The following CNTN5 variants were observed in gnomAD, a reference collection of about 807,000 sequenced individuals.
CNTN5 encodes contactin-5.
Under a neutral mutation model 129.1 loss-of-function variants are expected in CNTN5, and 77 were observed. The ratio of observed to expected loss-of-function variants is 0.60; its 90% CI spans 0.50 to 0.72. The LOEUF (loss-of-function observed/expected upper bound fraction) is 0.72. CNTN5 is among the 30% of genes least tolerant of loss of function. The pLI, the probability that CNTN5 is intolerant of heterozygous loss-of-function variation, is 0.00. For synonymous variants in CNTN5, 509 were observed against 465.6 expected (o/e 1.09, Z -1.20); for missense variants, 1,478 against 1,328.8 (o/e 1.11, Z -1.75).
intron 3 of CNTN5, among the ~76,000 whole-genome samples, chr11:99,582,070 C>A (rs919457268): frequency 6.6e-6 from 1 of 152,038 alleles, no homozygotes; most frequent in Non-Finnish European, 1.5e-5. Context: ...TATTTTATTT[C>A]TCCTTCACTT....
intron 3 of CNTN5, among the ~76,000 whole-genome samples, chr11:99,567,240 C>T (rs919087610): frequency 1.3e-5 from 2 of 152,264 alleles, no homozygotes; most frequent in East Asian, 3.9e-4. Context: ...GAGAGGAAAT[C>T]TAATTCCTGG....
intron 13 of CNTN5, among the ~76,000 whole-genome samples, chr11:100,186,412 G>C (rs1948302832): frequency 6.6e-6 from 1 of 151,670 alleles, no homozygotes; most frequent in African/African-American, 2.4e-5. Context: ...ACAAATATAG[G>C]GTCCAGAAAA....
chr11:99,430,483 A>G lies in CNTN5; in HGVS notation c.-71+104999A>G, dbSNP rs537180693. On this transcript the variant is annotated intron_variant, in intron 2 of 24. Coordinates refer to ENST00000524871, the MANE Select transcript of CNTN5 (RefSeq NM_014361.4). ...TTATATATATATAAGAGATTTATAT[A>G]TATTTATATATTTATAGCTCTCTTT... 1.1e-3 allele frequency among the ~76,000 whole-genome samples: 170 copies of G among 149,358 alleles called. 3 individuals are homozygous for G. The highest frequency in any genetic ancestry group is 1.3e-3 in the Non-Finnish European group (89 of 67,386).
chr11:99,606,398 A>G (rs950468167), intron 3 of CNTN5, among the ~76,000 whole-genome samples: 3 of 138,752 alleles, frequency 2.2e-5, no homozygotes, highest in African/African-American at 8.1e-5. Flanking sequence ...AAGGGATGTG[A>G]AGGACCTCTT....
At chr11:100,000,432 G>T (rs1487266420) in intron 8 of CNTN5, among the ~76,000 whole-genome samples, 3 of 152,184 alleles carry the variant, frequency 2.0e-5, no homozygotes, top group Admixed American at 1.3e-4. Context: ...CACATGTAGG[G>T]CATGATGATA....
At chr11:100,286,197 C>T (rs1239991802) in intron 18 of CNTN5, among the ~76,000 whole-genome samples, 1 of 152,196 alleles carries the variant, frequency 6.6e-6, no homozygotes, top group Non-Finnish European at 1.5e-5. Context: ...CCGCCATTGC[C>T]CAGGCTTGCT....
intron 13 of CNTN5, among the ~76,000 whole-genome samples, chr11:100,175,336 A>C (rs1947933363): frequency 6.6e-6 from 1 of 152,106 alleles, no homozygotes; most frequent in African/African-American, 2.4e-5. Flanking sequence ...GTAAGTGTTA[A>C]GATAAGGTAT....
intron 6 of CNTN5, among the ~76,000 whole-genome samples, chr11:99,851,162 A>G (rs921964960): frequency 1.3e-5 from 2 of 152,104 alleles, no homozygotes; most frequent in Non-Finnish European, 2.9e-5. Context: ...AAATATTTAT[A>G]TATAAACATG....
At chr11:100,056,337 G>A (rs1042471009) in intron 9 of CNTN5, among the ~76,000 whole-genome samples, 18 of 151,186 alleles carry the variant, frequency 1.2e-4, no homozygotes, top group East Asian at 5.8e-4. Flanking sequence ...ATCAAAATAC[G>A]CAGATTACCA....
At chr11:99,556,311 C>T (rs1393512472) in intron 3 of CNTN5, 42 bp downstream of exon 3, 9 of 1,170,372 alleles carry the variant, frequency 7.7e-6, no homozygotes, top group Non-Finnish European at 1.1e-5. Flanking sequence ...TTCTAAGTAT[C>T]AAAATAACCA....
chr11:99,399,135 G>C (rs1941672404), intron 2 of CNTN5, among the ~76,000 whole-genome samples: 2 of 143,142 alleles, frequency 1.4e-5, no homozygotes, highest in African/African-American at 5.2e-5. Context: ...CAAATTATGG[G>C]GCTACATAAG....
intron 15 of CNTN5, among the ~76,000 whole-genome samples, chr11:100,212,611 T>A (rs1490747468): frequency 6.6e-6 from 1 of 152,188 alleles, no homozygotes; most frequent in Non-Finnish European, 1.5e-5. Flanking sequence ...ACTTTGTTTC[T>A]AGTTAGCTGT....
intron 3 of CNTN5, among the ~76,000 whole-genome samples, chr11:99,816,377 T>C (rs1050756863): frequency 1.3e-5 from 2 of 152,136 alleles, no homozygotes; most frequent in Non-Finnish European, 2.9e-5. Flanking sequence ...ACCTGCGTCT[T>C]CCTTACGTCT....
chr11:99,698,853 TATTAGGTACTG>T lies in CNTN5; in HGVS notation c.56-120686_56-120676del, dbSNP rs532102437. 8.1e-4 allele frequency among the ~76,000 whole-genome samples: 122 copies of T among 151,212 alleles called. 2 individuals are homozygous for T. In the East Asian group the frequency reaches 0.021, roughly 26 times the overall value. On this transcript the variant is annotated intron_variant, in intron 3 of 24. Coordinates refer to ENST00000524871, the MANE Select transcript of CNTN5 (RefSeq NM_014361.4). ...GAGCAAAGCTGTGAATCTTGATTTC[TATTAGGTACTG>T]ATTAAATAAGTAGTATAGACAGTGT...
intron 9 of CNTN5, among the ~76,000 whole-genome samples, chr11:100,047,301 CA>C (rs1942733115): frequency 6.6e-6 from 1 of 152,024 alleles, no homozygotes; most frequent in Admixed American, 6.5e-5. Flanking sequence ...GACCAGGTCA[CA>C]GGGGTAGGGT....
chr11:99,980,566 C>G (rs1184301692), intron 8 of CNTN5, among the ~76,000 whole-genome samples: 1 of 152,134 alleles, frequency 6.6e-6, no homozygotes, highest in African/African-American at 2.4e-5. Flanking sequence ...AGGGTCCCTT[C>G]CACTATAAAT....
At position 99,798,248 on chromosome 11, in the gene CNTN5, G is replaced by GCAATCCATGTTCCTGCC. The variant is rs565848238; in HGVS notation, c.56-21279_56-21263dup. On this transcript the variant is annotated intron_variant, in intron 3 of 24. Transcript: ENST00000524871. ...TCTTGCATTGGTTTGCTTAGGATAA[G>GCAATCCATGTTCCTGCC]CAATCCATGTTCCTGCCCAATCCAT... Among the ~76,000 whole-genome samples the GCAATCCATGTTCCTGCC allele has an allele frequency of 2.5e-3, 382 of 151,652 alleles. 1 individual carries two copies. The highest frequency in any genetic ancestry group is 8.8e-3 in the African/African-American group (364 of 41,200).
At chr11:100,053,963 C>A (rs1439007398) in intron 9 of CNTN5, among the ~76,000 whole-genome samples, 1 of 151,734 alleles carries the variant, frequency 6.6e-6, no homozygotes, top group Non-Finnish European at 1.5e-5. Flanking sequence ...ACTCAAAATA[C>A]TACGTAGTGT....
intron 1 of CNTN5, among the ~76,000 whole-genome samples, chr11:99,174,686 A>G (rs547422262): frequency 4.2e-4 from 64 of 152,300 alleles, no homozygotes; most frequent in African/African-American, 1.1e-3. Flanking sequence ...CTATGTCACT[A>G]TGCAAATGTT....
Sources: gnomAD v4.1 joint callset for allele counts (sites outside exome capture counted in the v4.1 genomes callset) on GRCh38, gnomAD v4.1.1 for gene constraint, MANE v1.5 for transcripts, NCBI Gene and HGNC (gene_info 2026-07-23, HGNC 2026-07-21) for gene names.